The following MMRN2 variants were observed in gnomAD, a reference collection of about 807,000 sequenced individuals.
The protein encoded by MMRN2 is multimerin 2, also known as multimerin-2.
Under a neutral mutation model 68.8 loss-of-function variants are expected in MMRN2, and 53 were observed. The observed-to-expected ratio is 0.77, with a 90% CI of 0.62 to 0.97. MMRN2 has a LOEUF of 0.97. MMRN2 is among the 50% of genes least tolerant of loss of function. The pLI is 0.00. For synonymous variants in MMRN2, 564 were observed against 551.6 expected, an observed-to-expected ratio of 1.02 and a Z score of -0.32; for missense variants, 1,266 against 1,259.5, an observed-to-expected ratio of 1.01 and a Z score of -0.08.
At chr10:86,948,570 G>C (rs1844102969) in intron 1 of MMRN2, 1 of 152,106 alleles carries the variant, frequency 6.6e-6, no homozygotes, top group South Asian at 2.1e-4. Context: ...ATTGGAAAGA[G>C]AAAAGAAAAA....
rs1564732164 is a variant in MMRN2, at chr10:86,943,572, G to A, written c.1212C>T (p.Thr404=). 3.1e-6 allele frequency: 5 copies of A among 1,614,190 alleles called. No individual in the cohort carries two copies. The highest frequency in any genetic ancestry group is 2.2e-5 in the East Asian group (1 of 44,878). Residue 404 remains threonine, a synonymous_variant, in exon 6 of 7, where the codon ACC becomes ACT. Transcript: ENST00000372027. The surrounding 1 kb of genome is among the most constrained non-coding windows in gnomAD (Gnocchi z 4.2). Reference sequence around the variant, plus strand: ...TGATCTCATCCACGTGCCGGGTCAGGGTGGCCCTCATGTCCTCCAGGGTGT... The same window carrying A: ...TGATCTCATCCACGTGCCGGGTCAGAGTGGCCCTCATGTCCTCCAGGGTGT... ...LQYTLEDMRA[T]LTRHVDEIKE...
chr10:86,942,727 C>T lies in MMRN2; in HGVS notation c.2057G>A (p.Arg686His). 2.1e-6 allele frequency: 3 copies of T among 1,433,096 alleles called. No homozygotes were observed. Among genetic ancestry groups the T allele is most frequent in the Non-Finnish European group, 2.7e-6 (3 of 1,101,652 alleles). The allele number at this position is 1,433,096 out of a possible 1,614,324, so 88.8% of individuals were successfully genotyped here. ...EHLEPSHDAG[R>H]EEAATTALAG... is the part of the protein sequence containing the mutation. Reference sequence around the variant, plus strand: ...CAGGGCGGTGGTGGCGGCCTCCTCGCGGCCCGCGTCGTGGCTGGGCTCCAG... The same window carrying T: ...CAGGGCGGTGGTGGCGGCCTCCTCGTGGCCCGCGTCGTGGCTGGGCTCCAG... Residue 686 changes from arginine (R) to histidine (H), a missense_variant, in exon 6 of 7, where the codon CGC becomes CAC. Arg to His is a conservative substitution (Grantham distance 29, BLOSUM62 0). Transcript: ENST00000372027.
At position 86,942,914 on chromosome 10, in the gene MMRN2, C is replaced by A; in HGVS notation, c.1870G>T (p.Glu624Ter). 2 of 1,491,336 alleles carry A rather than the reference C, an allele frequency of 1.3e-6. No individual in the cohort carries two copies. The highest frequency in any genetic ancestry group is 1.3e-5 in the South Asian group (1 of 79,004). 92.4% of individuals were successfully genotyped at this position (1,491,336 alleles called of 1,614,324 possible). ...FGEEVLEEMSEQTPGPLPLSY... is the reference protein window; with the variant it reads ...FGEEVLEEMS ...AGGGGCAGCGGTCCCGGCGTCTGCTCAGACATCTCCTCCAGCACCTCCTCC... is the reference window on the plus strand; with the variant it reads ...AGGGGCAGCGGTCCCGGCGTCTGCTAAGACATCTCCTCCAGCACCTCCTCC... The change falls in exon 6 of 7, where the codon GAG becomes TAG. Residue 624 changes from glutamate (E) to a stop codon, truncating the protein, a stop_gained. Coordinates refer to ENST00000372027, the MANE Select transcript of MMRN2 (RefSeq NM_024756.3). LOFTEE classifies it high-confidence loss of function.
At chr10:86,949,374 A>G (rs1285962231) in intron 1 of MMRN2, 5 of 152,136 alleles carry the variant, frequency 3.3e-5, no homozygotes, top group African/African-American at 9.7e-5. Flanking sequence ...CCTGATGAGC[A>G]GTGGTTTGAA....
At chr10:86,951,126 G>A (rs1056454356) in intron 1 of MMRN2, among the ~76,000 whole-genome samples, 1 of 152,146 alleles carries the variant, frequency 6.6e-6, no homozygotes, top group African/African-American at 2.4e-5. Flanking sequence ...CTAAGAAGTA[G>A]CAATGCAAGC....
At chr10:86,947,478 C>T (rs1844085818) in intron 1 of MMRN2, among the ~76,000 whole-genome samples, 1 of 152,052 alleles carries the variant, frequency 6.6e-6, no homozygotes, top group South Asian at 2.1e-4. Flanking sequence ...AGCGATTCTC[C>T]TTGCCTCAGC....
At chr10:86,951,034 G>A (rs1356284982) in intron 1 of MMRN2, among the ~76,000 whole-genome samples, 3 of 152,010 alleles carry the variant, frequency 2.0e-5, no homozygotes, top group Non-Finnish European at 4.4e-5. Flanking sequence ...GTTGCAGTGA[G>A]CCAAGATCAC....
At chr10:86,941,021 C>T (rs1474761337) in intron 6 of MMRN2, among the ~76,000 whole-genome samples, 1 of 152,254 alleles carries the variant, frequency 6.6e-6, no homozygotes, top group Non-Finnish European at 1.5e-5. Context: ...AAAGACAGCG[C>T]TCCTCTGCTG....
rs371279161 is a variant in MMRN2, at chr10:86,940,733, CT to C, written c.2467+1583del. ...CCTGGGACGGGACCTTCAACAAGGC[CT>C]TGGACTTGCCACACGCCAGGCTGCA... is the stretch of plus-strand genomic sequence containing the variant. On this transcript the variant is annotated intron_variant, in intron 6 of 6. Transcript: ENST00000372027. Among the ~76,000 whole-genome samples the C allele has an allele frequency of 4.3e-4, 66 of 152,336 alleles. 1 individual carries two copies. In the East Asian group the frequency reaches 8.5e-3, roughly 20 times the overall value.
chr10:86,956,437 C>T (rs866681405), intron 1 of MMRN2, among the ~76,000 whole-genome samples: 39 of 152,198 alleles, frequency 2.6e-4, no homozygotes, highest in Admixed American at 2.4e-3. Context: ...TAAGTTGGCC[C>T]CCCCCTCACT....
chr10:86,937,492 G>T lies in MMRN2; in HGVS notation c.2468-367C>A, dbSNP rs909293036. ...CGTAGAGATGGAGTCTTACTATGTT[G>T]CCCAGGCTGATCTGGAGCTCCTGGG... On this transcript the variant is annotated intron_variant, in intron 6 of 6. Coordinates refer to ENST00000372027, the MANE Select transcript of MMRN2 (RefSeq NM_024756.3). Among the ~76,000 whole-genome samples, 2 of 147,002 alleles carry T rather than the reference G, an allele frequency of 1.4e-5. 1 individual carries two copies. Among genetic ancestry groups the T allele is most frequent in the Non-Finnish European group, 3.0e-5 (2 of 67,324 alleles).
chr10:86,937,474 A>G (rs1030521625), intron 6 of MMRN2, among the ~76,000 whole-genome samples: 3 of 146,400 alleles, frequency 2.0e-5, no homozygotes, highest in African/African-American at 7.6e-5. Flanking sequence ...TAACGTAGAG[A>G]TGGAGTCTTA....
chr10:86,952,655 G>A (rs1378561767), intron 1 of MMRN2, among the ~76,000 whole-genome samples: 2 of 152,162 alleles, frequency 1.3e-5, no homozygotes, highest in Admixed American at 6.5e-5. Flanking sequence ...AAAAAGCAGA[G>A]CAAAGATCAT....
rs1215928161 is a variant in MMRN2, at chr10:86,942,948, C to T, written c.1836G>A (p.Ala612=). The T allele has an allele frequency of 2.7e-6, 4 of 1,500,982 alleles. No individual in the cohort carries two copies. The highest frequency in any genetic ancestry group is 2.0e-5 in the Admixed American group (1 of 50,382). 93.0% of individuals were successfully genotyped at this position (1,500,982 alleles called of 1,614,324 possible). A position where few individuals can be genotyped will look rare whatever the true frequency, so the allele number is the denominator to read the frequency against. Residue 612 remains alanine, a synonymous_variant, in exon 6 of 7, where the codon GCG becomes GCA. Transcript: ENST00000372027. ...CCTCCAGCACCTCCTCCCCGAAGAG[C>T]GCGGCCAGCACCGCCTCGTGCCGCA... ...DALRHEAVLA[A]LFGEEVLEEM...
At chr10:86,942,261 C>T in intron 6 of MMRN2, 56 bp downstream of exon 6, 2 of 1,526,658 alleles carry the variant, frequency 1.3e-6, no homozygotes, top group Non-Finnish European at 1.8e-6. Context: ...GAAGAGCTGC[C>T]GGCAGCCGGC....
chr10:86,943,843 C>T lies in MMRN2; in HGVS notation c.941G>A (p.Arg314His), dbSNP rs368943839. The change falls in exon 6 of 7, where the codon CGC becomes CAC. Residue 314 changes from arginine (R) to histidine (H), a missense_variant. Transcript: ENST00000372027. The surrounding 1 kb of genome is among the most constrained non-coding windows in gnomAD (Gnocchi z 4.2). ...CAGGGTAAAGTGCTGGGCGTGCAGG[C>T]GGTCCTCCACGTCCTGTCGCAGCTG... is the stretch of plus-strand genomic sequence containing the variant. ...VGQLRQDVED[R>H]LHAQHFTLHR... The T allele has an allele frequency of 5.0e-6, 8 of 1,613,012 alleles. No individual in the cohort carries two copies. Among genetic ancestry groups the T allele is most frequent in the African/African-American group, 4.0e-5 (3 of 74,930 alleles).
In MMRN2 at chr10:86,943,771, T is replaced by A; in HGVS notation, c.1013A>T (p.Lys338Met). 1 of 1,608,600 alleles carries A rather than the reference T, an allele frequency of 6.2e-7. No homozygotes were observed. Among genetic ancestry groups the A allele is most frequent in the Non-Finnish European group, 8.5e-7 (1 of 1,179,896 alleles). ...ELQADVDTKLKRLHKAQEAPG... is the reference protein window; with the variant it reads ...ELQADVDTKLMRLHKAQEAPG... ...GGCCTCCTGAGCCTTGTGCAGCCTC[T>A]TCAATTTGGTGTCCACATCGGCTTG... The change falls in exon 6 of 7, where the codon AAG (lysine) becomes ATG (methionine). Residue 338 changes from lysine (K) to methionine (M), a missense_variant. Coordinates refer to ENST00000372027, the MANE Select transcript of MMRN2 (RefSeq NM_024756.3). This position sits in a 1 kb window ranked among gnomAD's most constrained non-coding sequence, Gnocchi z 4.2.
chr10:86,945,439 G>T lies in MMRN2; in HGVS notation c.331C>A (p.Gln111Lys). Reference protein sequence around the residue: ...MAHKPVYQVKQKVLTSLAWRC... With the variant: ...MAHKPVYQVKKKVLTSLAWRC... ...CAGGCCAAAGAGGTCAGCACCTTCTGCTTGACCTGGTACACTGGCTTGTGG... is the reference window on the plus strand; with the variant it reads ...CAGGCCAAAGAGGTCAGCACCTTCTTCTTGACCTGGTACACTGGCTTGTGG... The change falls in exon 3 of 7, where the codon CAG becomes AAG. Residue 111 changes from glutamine to lysine, a missense_variant. Transcript: ENST00000372027. The T allele has an allele frequency of 6.4e-7, 1 of 1,566,472 alleles. No individual in the cohort carries two copies.
intron 6 of MMRN2, among the ~76,000 whole-genome samples, chr10:86,941,827 G>GAAAAAAAAAAA (rs1386112769): frequency 2.2e-5 from 3 of 135,228 alleles, no homozygotes; most frequent in Admixed American, 7.4e-5. Context: ...AAAAGAAAAA[G>GAAAAAAAAAAA]AAAAAAAAAA....
Sources: gnomAD v4.1 joint callset for allele counts (sites outside exome capture counted in the v4.1 genomes callset) on GRCh38, gnomAD v4.1.1 for gene constraint, Gnocchi (gnomAD v3.1) non-coding constraint, MANE v1.5 for transcripts, NCBI Gene and HGNC (gene_info 2026-07-23, HGNC 2026-07-21) for gene names.